RCOR3: variants seen among roughly 807,000 people sequenced by gnomAD.
RCOR3 encodes REST corepressor 3.
Under a neutral mutation model 64.1 loss-of-function variants are expected in RCOR3, and 13 were observed. The ratio of observed to expected loss-of-function variants is 0.20; its 90% CI spans 0.13 to 0.32. The LOEUF is 0.32. Ranked by LOEUF, RCOR3 falls within the 10% of genes least tolerant of loss-of-function variation. RCOR3 has a pLI of 1.00. For missense variants in RCOR3, 489 were observed against 701.2 expected (o/e 0.70, Z 3.42); for synonymous variants, 215 against 239.0 (o/e 0.90, Z 0.93).
chr1:211,313,082 A>G lies in RCOR3; in HGVS notation c.1317+121A>G. On this transcript the variant is annotated intron_variant, in intron 11 of 11. Coordinates refer to ENST00000419091, the MANE Select transcript of RCOR3 (RefSeq NM_001136223.3). The surrounding 1 kb of genome is among the most constrained non-coding windows in gnomAD (Gnocchi z 4.7). ...ATTGAGCATGAAAGGTTGACAATAC[A>G]CTTCTTCAGTGGTGCATCTCTCGTG... is the stretch of plus-strand genomic sequence containing the variant. 2 of 1,556,136 alleles carry G rather than the reference A, an allele frequency of 1.3e-6. No homozygotes were observed. The highest frequency in any genetic ancestry group is 1.7e-6 in the Non-Finnish European group (2 of 1,154,906).
intron 7 of RCOR3, among the ~76,000 whole-genome samples, chr1:211,282,969 G>A (rs1485403594): frequency 1.3e-5 from 2 of 152,110 alleles, no homozygotes; most frequent in Non-Finnish European, 2.9e-5. Flanking sequence ...CATATTGTAT[G>A]TATTCTTCAG....
intron 7 of RCOR3, among the ~76,000 whole-genome samples, chr1:211,284,402 A>T (rs1571894190): frequency 6.6e-6 from 1 of 151,780 alleles, no homozygotes; most frequent in East Asian, 1.9e-4. Flanking sequence ...AAATTCCAGT[A>T]TTCTTTTACA....
chr1:211,299,255 A>T (rs1325720182), intron 9 of RCOR3, among the ~76,000 whole-genome samples: 1 of 152,188 alleles, frequency 6.6e-6, no homozygotes, highest in Non-Finnish European at 1.5e-5. Context: ...GAATGGAAGC[A>T]AGTAGTAAAC....
intron 10 of RCOR3, among the ~76,000 whole-genome samples, chr1:211,306,327 A>G (rs1488760950): frequency 6.6e-6 from 1 of 152,076 alleles, no homozygotes; most frequent in Non-Finnish European, 1.5e-5. Context: ...ATCTACAAGT[A>G]CTTACCTTAG....
At chr1:211,305,482 G>A (rs1700764739) in intron 10 of RCOR3, among the ~76,000 whole-genome samples, 1 of 152,088 alleles carries the variant, frequency 6.6e-6, no homozygotes, top group African/African-American at 2.4e-5. Context: ...GTTTAATATA[G>A]TCATTTTGAA....
At chr1:211,290,463 T>C (rs1191819730) in intron 8 of RCOR3, among the ~76,000 whole-genome samples, 1 of 152,216 alleles carries the variant, frequency 6.6e-6, no homozygotes, top group Non-Finnish European at 1.5e-5. Flanking sequence ...TTTTATCTCA[T>C]CACTACTGCC....
rs11419492 is a variant in RCOR3, at chr1:211,300,071, CT to C, written c.1018-3994del. On this transcript the variant is annotated intron_variant, in intron 9 of 11. Coordinates refer to ENST00000419091, the MANE Select transcript of RCOR3 (RefSeq NM_001136223.3). ...TCTGCATTTTTCTTTTTCTTTCTTT[CT>C]TTTTTTTTTTTTTTTTTGAGACACT... 6.9e-3 allele frequency among the ~76,000 whole-genome samples: 841 copies of C among 121,266 alleles called. 6 individuals are homozygous for C. The highest frequency in any genetic ancestry group is 0.022 in the African/African-American group (734 of 33,688). The allele number at this position is 121,266 out of a possible 152,430, so 79.6% of individuals were successfully genotyped here.
intron 1 of RCOR3, 60 bp from the exon 2 acceptor site, chr1:211,260,048 C>CT: frequency 2.0e-6 from 3 of 1,500,732 alleles, no homozygotes; most frequent in Non-Finnish European, 2.6e-6. Context: ...GTGTCTCTTC[C>CT]TTTTTCTTTC....
intron 7 of RCOR3, among the ~76,000 whole-genome samples, chr1:211,281,688 C>G (rs766340999): frequency 1.3e-5 from 2 of 152,160 alleles, no homozygotes; most frequent in African/African-American, 2.4e-5. Flanking sequence ...TATGTTGGTC[C>G]CTTTTTTTCT....
At chr1:211,300,550 T>G (rs1266227949) in intron 9 of RCOR3, among the ~76,000 whole-genome samples, 1 of 152,218 alleles carries the variant, frequency 6.6e-6, no homozygotes, top group Non-Finnish European at 1.5e-5. Context: ...ATAACTCTTC[T>G]TCTGTTCCCT....
At chr1:211,307,478 C>T (rs544601310) in intron 10 of RCOR3, among the ~76,000 whole-genome samples, 50 of 11,134 alleles carry the variant, frequency 4.5e-3, no homozygotes, top group Non-Finnish European at 0.011. Flanking sequence ...GAGACTCTGA[C>T]TCAAAAAAAA....
At chr1:211,264,100 C>T (rs767076319) in intron 2 of RCOR3, among the ~76,000 whole-genome samples, 3 of 152,132 alleles carry the variant, frequency 2.0e-5, no homozygotes, top group African/African-American at 4.8e-5. Flanking sequence ...TGGGATTACA[C>T]GGTTGAGCCA....
chr1:211,259,750 G>T, intron 1 of RCOR3, 24 bp downstream of exon 1: 1 of 1,409,998 alleles, frequency 7.1e-7, no homozygotes, highest in Non-Finnish European at 9.2e-7. Flanking sequence ...ACTCCTCCCC[G>T]CCAGCCCGCC....
intron 1 of RCOR3, 175 bp from the exon 2 acceptor site, chr1:211,259,933 C>A: frequency 8.4e-7 from 1 of 1,185,276 alleles, no homozygotes; most frequent in Non-Finnish European, 1.1e-6. Flanking sequence ...TGCCCCCCCC[C>A]GCTCCCCGCC....
chr1:211,287,886 G>A (rs1304064341), intron 7 of RCOR3, among the ~76,000 whole-genome samples: 3 of 151,346 alleles, frequency 2.0e-5, no homozygotes, highest in South Asian at 4.2e-4. Flanking sequence ...TTTTGTTAAC[G>A]AATTTTACTA....
chr1:211,287,070 T>A (rs1698641925), intron 7 of RCOR3, among the ~76,000 whole-genome samples: 1 of 152,194 alleles, frequency 6.6e-6, no homozygotes, highest in South Asian at 2.1e-4. Context: ...TAAGACACTT[T>A]AAAATCTTGA....
intron 9 of RCOR3, among the ~76,000 whole-genome samples, chr1:211,299,375 A>G (rs1398943175): frequency 1.3e-5 from 2 of 152,110 alleles, no homozygotes; most frequent in Admixed American, 1.3e-4. Flanking sequence ...GATGGAGGTA[A>G]ATGGGTAGGT....
intron 7 of RCOR3, among the ~76,000 whole-genome samples, chr1:211,288,082 C>T (rs1698769407): frequency 6.6e-6 from 1 of 151,744 alleles, no homozygotes; most frequent in Non-Finnish European, 1.5e-5. Context: ...TAATGGCACA[C>T]AACTGTAGTC....
At position 211,259,788 on chromosome 1, in the gene RCOR3, G is replaced by T; in HGVS notation, c.166+62G>T. ...CCCCCCTCCCTCTTCCCCTCCCCCAGCCCCCTCCCCTCGCCGCTCTCCCGC... is the reference window on the plus strand; with the variant it reads ...CCCCCCTCCCTCTTCCCCTCCCCCATCCCCCTCCCCTCGCCGCTCTCCCGC... On this transcript the variant is annotated intron_variant, in intron 1 of 11. Transcript: ENST00000419091. 5 of 873,780 alleles carry T rather than the reference G, an allele frequency of 5.7e-6. No individual in the cohort carries two copies. The South Asian group carries it at 8.3e-5, about 15-fold the overall frequency. The allele number at this position is 873,780 out of a possible 1,614,324, so 54.1% of individuals were successfully genotyped here.
Sources: allele counts gnomAD v4.1 joint callset (sites outside exome capture counted in the v4.1 genomes callset), GRCh38; gene constraint gnomAD v4.1.1; non-coding constraint Gnocchi (gnomAD v3.1); transcripts MANE v1.5; gene names NCBI Gene and HGNC (gene_info 2026-07-23, HGNC 2026-07-21).